Variants in COL5A1 observed in about 807,000 individuals in gnomAD.
COL5A1 encodes the protein collagen type V alpha 1 chain, also known as collagen alpha-1(V) chain.
In COL5A1, 16 loss-of-function variants were observed where a neutral mutation model predicts 263.7. The observed-to-expected ratio is 0.06, with a 90% CI of 0.04 to 0.09. The LOEUF is 0.09. Ranked by LOEUF, COL5A1 falls within the 10% of genes least tolerant of loss-of-function variation. The pLI, the probability that COL5A1 is intolerant of heterozygous loss-of-function variation, is 1.00. For missense variants in COL5A1, 2,036 were observed against 2,540.5 expected, an observed-to-expected ratio of 0.80 and a Z score of 4.27; for synonymous variants, 1,012 against 1,004.5, an observed-to-expected ratio of 1.01 and a Z score of -0.14.
At chr9:134,822,587 C>T (rs779142906) in intron 59 of COL5A1, among the ~76,000 whole-genome samples, 35 of 152,244 alleles carry the variant, frequency 2.3e-4, no homozygotes, top group Non-Finnish European at 3.4e-4. Context: ...TCCCCACAGC[C>T]GCTGGGCTGC....
intron 2 of COL5A1, among the ~76,000 whole-genome samples, chr9:134,697,855 G>A (rs1041008550): frequency 4.6e-5 from 7 of 152,142 alleles, no homozygotes; most frequent in African/African-American, 9.7e-5. Context: ...AGGCCAAGGC[G>A]GGTGGATCAC....
chr9:134,759,716 CCCCA>C, intron 18 of COL5A1, among the ~76,000 whole-genome samples: 1 of 97,528 alleles, frequency 1.0e-5, no homozygotes, highest in Non-Finnish European at 2.0e-5. Flanking sequence ...GCACACACCC[CCCCA>C]CCCCCACACT....
Position 134,757,092 on chromosome 9 carries a change from C to T in COL5A1, c.1881+274C>T, listed in dbSNP as rs748434142. ...TCCCGACTATGAAAACCATCCGTGG[C>T]CGTGCAGGTGACGAGGCGCATGTAG... On this transcript the variant is annotated intron_variant, in intron 17 of 65. Coordinates refer to ENST00000371817, the MANE Select transcript of COL5A1 (RefSeq NM_000093.5). This position sits in a 1 kb window ranked among gnomAD's most constrained non-coding sequence, Gnocchi z 6.2. Among the ~76,000 whole-genome samples the T allele has an allele frequency of 6.6e-6, 1 of 152,124 alleles. No homozygotes were observed. Among genetic ancestry groups the T allele is most frequent in the Non-Finnish European group, 1.5e-5 (1 of 68,040 alleles).
rs1380098855 is a variant in COL5A1, at chr9:134,821,741, CCCAAGCCAGGGCCA to C, written c.4555-354_4555-341del. Among the ~76,000 whole-genome samples the C allele has an allele frequency of 6.6e-6, 1 of 152,248 alleles. No individual in the cohort carries two copies. The highest frequency in any genetic ancestry group is 1.5e-5 in the Non-Finnish European group (1 of 68,050). On this transcript the variant is annotated intron_variant, in intron 58 of 65. Coordinates refer to ENST00000371817, the MANE Select transcript of COL5A1 (RefSeq NM_000093.5). This position sits in a 1 kb window ranked among gnomAD's most constrained non-coding sequence, Gnocchi z 4.2. ...CATGAGCAGGAAACAGCAAGAGGGG[CCCAAGCCAGGGCCA>C]CAATGTCAGGGCAGTGGTTTCTGTA...
Position 134,680,583 on chromosome 9 carries a change from G to A in COL5A1, c.110-10329G>A, listed in dbSNP as rs1832823831. 6.6e-6 allele frequency among the ~76,000 whole-genome samples: 1 copy of A among 152,216 alleles called. No homozygotes were observed. The highest frequency in any genetic ancestry group is 2.4e-5 in the African/African-American group (1 of 41,454). On this transcript the variant is annotated intron_variant, in intron 1 of 65. Coordinates refer to ENST00000371817, the MANE Select transcript of COL5A1 (RefSeq NM_000093.5). The surrounding 1 kb of genome is among the most constrained non-coding windows in gnomAD (Gnocchi z 5.9). ...GCTGCTCTCTGCTGTACCATGTCCG[G>A]TGAGGTCCTGAAGTGCAAAAGGCCT...
intron 26 of COL5A1, among the ~76,000 whole-genome samples, chr9:134,773,780 G>A (rs1014998631): frequency 1.3e-5 from 2 of 152,230 alleles, no homozygotes; most frequent in African/African-American, 4.8e-5. Flanking sequence ...CTGCTGGGCA[G>A]TGGCACTTCT....
intron 20 of COL5A1, among the ~76,000 whole-genome samples, chr9:134,764,463 T>C (rs923856326): frequency 6.6e-6 from 1 of 151,904 alleles, no homozygotes; most frequent in Non-Finnish European, 1.5e-5. Context: ...CCCGTTTCAA[T>C]GGCCACCCTT....
At chr9:134,785,915 G>A (rs765424748) in intron 30 of COL5A1, 80 bp from the exon 31 acceptor site, 43 of 1,334,484 alleles carry the variant, frequency 3.2e-5, no homozygotes, top group Non-Finnish European at 4.0e-5. Context: ...CTGCCAGAAC[G>A]CATGTCCTTT....
intron 25 of COL5A1, among the ~76,000 whole-genome samples, chr9:134,772,239 G>A (rs1371405230): frequency 1.3e-5 from 2 of 152,228 alleles, no homozygotes; most frequent in Non-Finnish European, 2.9e-5. Flanking sequence ...CACCAACCTT[G>A]CTTTGCTTTT....
chr9:134,752,700 C>A (rs371359545), intron 14 of COL5A1, 55 bp downstream of exon 14: 2 of 1,406,744 alleles, frequency 1.4e-6, no homozygotes, highest in African/African-American at 1.4e-5. Flanking sequence ...GGCCCACTCC[C>A]TGTGTCGTTG....
At chr9:134,756,990 C>A (rs773815657) in intron 17 of COL5A1, among the ~76,000 whole-genome samples, 172 bp downstream of exon 17, 2 of 152,122 alleles carry the variant, frequency 1.3e-5, no homozygotes, top group Non-Finnish European at 2.9e-5. Context: ...CGCCAGCAAG[C>A]GTGACAGTTG....
chr9:134,718,792 A>C (rs1228469545), intron 4 of COL5A1, among the ~76,000 whole-genome samples: 1 of 152,130 alleles, frequency 6.6e-6, no homozygotes, highest in East Asian at 1.9e-4. Flanking sequence ...GGCCTGCGAG[A>C]GTGGCGCTGC....
intron 44 of COL5A1, 121 bp downstream of exon 44, chr9:134,810,429 G>A: frequency 3.1e-6 from 3 of 957,840 alleles, no homozygotes; most frequent in Non-Finnish European, 4.9e-6. Context: ...GGGACATGCT[G>A]TGAAAATCTC....
rs537894529 is a variant in COL5A1, at chr9:134,843,077, G to C, written c.*774G>C. ...GTGCAATAAATTGGAAGTTTGCCCC[G>C]GGGCAGCAAGAATTTATGCTGCCAT... On this transcript the variant is annotated 3_prime_UTR_variant, in exon 66 of 66. Transcript: ENST00000371817. The C allele has an allele frequency of 6.8e-6, 1 of 147,034 alleles. No individual in the cohort carries two copies. The highest frequency in any genetic ancestry group is 6.9e-5 in the Admixed American group (1 of 14,516). 9.1% of individuals were successfully genotyped at this position (147,034 alleles called of 1,614,324 possible). A position where few individuals can be genotyped will look rare whatever the true frequency, so the allele number is the denominator to read the frequency against.
rs191743222 is a variant in COL5A1 at position 134,653,615 on chromosome 9, C to G, written c.109+11319C>G. On this transcript the variant is annotated intron_variant, in intron 1 of 65. Coordinates refer to ENST00000371817, the MANE Select transcript of COL5A1 (RefSeq NM_000093.5). ...CCCCTCCATCCGTACTGTGCTCGGT[C>G]CACAGGACCAGGCTCTGCAGAGCCA... 3.8e-3 allele frequency: 584 copies of G among 152,952 alleles called. 24 individuals carry two copies. The South Asian group carries it at 0.081, about 21-fold the overall frequency. 9.5% of individuals were successfully genotyped at this position (152,952 alleles called of 1,614,324 possible). A position where few individuals can be genotyped will look rare whatever the true frequency, so the allele number is the denominator to read the frequency against.
At chr9:134,786,391 G>C (rs879527739) in intron 31 of COL5A1, among the ~76,000 whole-genome samples, 1 of 152,184 alleles carries the variant, frequency 6.6e-6, no homozygotes, top group Non-Finnish European at 1.5e-5. Context: ...TTAATTTGCC[G>C]AGTTGAAAGG....
At chr9:134,792,805 GTGCATGTGTGTGCATGTGTGTGTA>G (rs1475100586) in intron 32 of COL5A1, among the ~76,000 whole-genome samples, 2 of 132,502 alleles carry the variant, frequency 1.5e-5, no homozygotes, top group Non-Finnish European at 3.2e-5. Flanking sequence ...GCATGTGTGC[GTGCATGTGTGTGCATGTGTGTGTA>G]TGCATGTGTA....
chr9:134,731,965 G>T, intron 8 of COL5A1, 106 bp from the exon 9 acceptor site: 1 of 1,315,090 alleles, frequency 7.6e-7, no homozygotes, highest in Non-Finnish European at 1.1e-6. Flanking sequence ...GCCCAGCTAC[G>T]ATAGTGCCCT....
At position 134,835,115 on chromosome 9, in the gene COL5A1, G is replaced by C; in HGVS notation, c.5281G>C (p.Asp1761His). The part of the protein sequence containing the change: ...AWQDAATGSY[D>H]KALRFLGSND... ...GCAGGACGCAGCCACGGGCAGCTAC[G>C]ACAAGGCCCTCCGCTTCCTGGGCTC... The change falls in exon 65 of 66, where the codon GAC (aspartate) becomes CAC (histidine). Residue 1761 changes from aspartate to histidine, a missense_variant. By Grantham distance (81) the Asp-to-His change is moderately conservative. This residue lies in a region of COL5A1 where 358 missense variants were observed against 384.6 expected (regional missense o/e 0.93). Coordinates refer to ENST00000371817, the MANE Select transcript of COL5A1 (RefSeq NM_000093.5). 2.5e-6 allele frequency: 4 copies of C among 1,613,818 alleles called. No homozygotes were observed. The highest frequency in any genetic ancestry group is 3.4e-6 in the Non-Finnish European group (4 of 1,180,030).
Sources: gnomAD v4.1 joint callset for allele counts (sites outside exome capture counted in the v4.1 genomes callset) on GRCh38, gnomAD v4.1.1 for gene constraint, gnomAD v4.1.1 regional missense constraint, Gnocchi (gnomAD v3.1) non-coding constraint, MANE v1.5 for transcripts, NCBI Gene and HGNC (gene_info 2026-07-23, HGNC 2026-07-21) for gene names.